ANK3: variants seen among roughly 807,000 people sequenced by gnomAD.
ANK3 encodes ankyrin 3, also known as ankyrin-3.
In ANK3, 57 loss-of-function variants were observed where a neutral mutation model predicts 370.9. The ratio of observed to expected loss-of-function variants is 0.15; its 90% CI spans 0.12 to 0.19. The LOEUF (loss-of-function observed/expected upper bound fraction) is 0.19. Ranked by LOEUF, ANK3 falls within the 10% of genes least tolerant of loss-of-function variation. The pLI is 1.00. For synonymous variants in ANK3, 1,929 were observed against 1,946.3 expected (o/e 0.99, Z 0.23); for missense variants, 4,439 against 5,302.1 (o/e 0.84, Z 5.06).
intron 2 of ANK3, among the ~76,000 whole-genome samples, chr10:60,443,631 T>C (rs907016024): frequency 2.0e-5 from 3 of 152,144 alleles, no homozygotes; most frequent in African/African-American, 4.8e-5. Context: ...TCCTAGGGAA[T>C]ATTGTACTAA....
chr10:60,064,135 A>C, intron 39 of ANK3, 22 bp downstream of exon 39: 1 of 1,543,050 alleles, frequency 6.5e-7, no homozygotes. Context: ...TTGAAAGTTA[A>C]AATAATATAA....
In ANK3 at chr10:60,389,416, C is replaced by A. The variant is rs199550140; in HGVS notation, c.114+9G>T. 1 of 1,612,586 alleles carries A rather than the reference C, an allele frequency of 6.2e-7. No individual in the cohort carries two copies. The highest frequency in any genetic ancestry group is 2.2e-5 in the East Asian group (1 of 44,868). On this transcript the variant is annotated intron_variant, in intron 1 of 43. Transcript: ENST00000280772. ...CAGGCAAGATATATGCTCTGGCATA[C>A]ATAGATACCTTTTTCTTCCGATCCC... is the stretch of plus-strand genomic sequence containing the variant.
chr10:60,532,435 T>G (rs1364969536), intron 2 of ANK3, among the ~76,000 whole-genome samples: 1 of 152,186 alleles, frequency 6.6e-6, no homozygotes, highest in African/African-American at 2.4e-5. Flanking sequence ...GCCGAGTTCA[T>G]GAGAGCAACA....
chr10:60,652,204 T>C (rs919018791), intron 1 of ANK3, among the ~76,000 whole-genome samples: 6 of 151,042 alleles, frequency 4.0e-5, no homozygotes, highest in African/African-American at 7.3e-5. Flanking sequence ...AGCCCAGGAG[T>C]TCAAGACAGA....
At chr10:60,552,531 C>A (rs558965506) in intron 2 of ANK3, among the ~76,000 whole-genome samples, 1 of 152,286 alleles carries the variant, frequency 6.6e-6, no homozygotes, top group East Asian at 1.9e-4. Flanking sequence ...TGGTATTGCA[C>A]TTTAGTGAAG....
chr10:60,503,307 C>T (rs762329127), intron 2 of ANK3, among the ~76,000 whole-genome samples: 1 of 152,160 alleles, frequency 6.6e-6, no homozygotes, highest in South Asian at 2.1e-4. Flanking sequence ...ATAAAGGGAA[C>T]AACCATTAGT....
chr10:60,358,451 G>T (rs180770361), intron 1 of ANK3, among the ~76,000 whole-genome samples: 183 of 150,870 alleles, frequency 1.2e-3, no homozygotes, highest in African/African-American at 4.4e-3. Flanking sequence ...CTGCCTCACT[G>T]TGTTTTACTT....
At chr10:60,370,185 C>T (rs2059919258) in intron 1 of ANK3, among the ~76,000 whole-genome samples, 1 of 152,152 alleles carries the variant, frequency 6.6e-6, no homozygotes, top group African/African-American at 2.4e-5. Context: ...GGCAACTTTT[C>T]CAAGCATTCT....
intron 36 of ANK3, among the ~76,000 whole-genome samples, chr10:60,079,188 C>T (rs2084550650): frequency 7.6e-6 from 1 of 131,334 alleles, no homozygotes; most frequent in South Asian, 2.7e-4. Flanking sequence ...CACACACACA[C>T]ACACACACAC....
intron 1 of ANK3, among the ~76,000 whole-genome samples, chr10:60,631,487 G>A (rs1350447680): frequency 6.6e-6 from 1 of 151,926 alleles, no homozygotes; most frequent in Non-Finnish European, 1.5e-5. Flanking sequence ...ATCCAAGATT[G>A]CACCACTGTA....
intron 1 of ANK3, among the ~76,000 whole-genome samples, chr10:60,302,282 C>G (rs769407979): frequency 1.3e-5 from 2 of 151,746 alleles, no homozygotes; most frequent in African/African-American, 4.8e-5. Flanking sequence ...TTAATAGTGG[C>G]AATAATGTCA....
In ANK3 at chr10:60,074,048, T is replaced by C; in HGVS notation, c.6833A>G (p.Lys2278Arg). The C allele has an allele frequency of 6.2e-7, 1 of 1,614,126 alleles. No individual in the cohort carries two copies. The highest frequency in any genetic ancestry group is 1.1e-5 in the South Asian group (1 of 91,078). ...EETMSVHDIM[K>R]AFQSGRDPSK... ...AGGATCCCGCCCGGACTGAAAGGCC[T>C]TCATGATGTCATGGACTGACATGGT... Residue 2278 changes from lysine to arginine, a missense_variant, in exon 37 of 44, where the codon AAG (lysine) becomes AGG (arginine). This residue lies in a region of ANK3 where 1,601 missense variants were observed against 1,731.7 expected (regional missense o/e 0.92). Transcript: ENST00000280772.
chr10:60,355,665 C>T (rs1334880994), intron 1 of ANK3, among the ~76,000 whole-genome samples: 1 of 152,212 alleles, frequency 6.6e-6, no homozygotes, highest in Non-Finnish European at 1.5e-5. Flanking sequence ...GCTCGCTCAC[C>T]TCCACGGTCA....
At chr10:60,393,640 G>A (rs1181869647), upstream of ANK3, among the ~76,000 whole-genome samples, 6 of 151,958 alleles carry the variant, frequency 3.9e-5, no homozygotes, top group African/African-American at 4.8e-5. Context: ...ATTTCTCCCC[G>A]CTCATTTTTC....
chr10:60,337,573 C>T (rs1380459), intron 1 of ANK3, among the ~76,000 whole-genome samples: 18,072 of 152,086 alleles, frequency 0.12, 1,467 homozygotes, highest in East Asian at 0.25. Context: ...TGAGCTTTCC[C>T]CTAGTTTGTC....
intron 42 of ANK3, among the ~76,000 whole-genome samples, chr10:60,050,248 G>C (rs2077680308): frequency 6.6e-6 from 1 of 152,112 alleles, no homozygotes; most frequent in Non-Finnish European, 1.5e-5. Context: ...TTATATACAT[G>C]GAATTTTCAA....
intron 2 of ANK3, among the ~76,000 whole-genome samples, chr10:60,527,880 T>C (rs2076511303): frequency 1.3e-5 from 2 of 152,084 alleles, no homozygotes; most frequent in Admixed American, 1.3e-4. Flanking sequence ...CTGTCTGCAC[T>C]ACCTGAGGCA....
At chr10:60,706,048 T>C (rs1377109549) in intron 1 of ANK3, among the ~76,000 whole-genome samples, 1 of 152,114 alleles carries the variant, frequency 6.6e-6, no homozygotes, top group Non-Finnish European at 1.5e-5. Context: ...GGTCTTAAAC[T>C]CCTGGGCTCA....
In ANK3 at chr10:60,460,351, G is replaced by A. The variant is rs147866252; in HGVS notation, c.96+154835C>T. 5.6e-3 allele frequency among the ~76,000 whole-genome samples: 855 copies of A among 152,158 alleles called. 6 individuals are homozygous for A. Among genetic ancestry groups the A allele is most frequent in the Non-Finnish European group, 7.7e-3 (523 of 68,010 alleles). On this transcript the variant is annotated intron_variant, in intron 2 of 43. Coordinates refer to the ANK3 transcript ENST00000373827. ...AAAGCAAGAATCATTAGAAACTTGG[G>A]GAGAAAATACAAGTTTGCATGGAAG...
Sources: gnomAD v4.1 joint callset for allele counts (sites outside exome capture counted in the v4.1 genomes callset) on GRCh38, gnomAD v4.1.1 for gene constraint, gnomAD v4.1.1 regional missense constraint, MANE v1.5 for transcripts, NCBI Gene and HGNC (gene_info 2026-07-23, HGNC 2026-07-21) for gene names.